Variants in CCNB3 observed in about 807,000 individuals in gnomAD.
CCNB3 encodes the protein G2/mitotic-specific cyclin-B3.
A neutral mutation model predicts 68.0 loss-of-function variants in CCNB3; 12 were observed. The ratio of observed to expected loss-of-function variants is 0.18; its 90% CI spans 0.11 to 0.29. The LOEUF (loss-of-function observed/expected upper bound fraction) is 0.29. CCNB3 is among the 10% of genes least tolerant of loss of function. CCNB3 has a pLI of 1.00. For synonymous variants in CCNB3, 354 were observed against 388.9 expected (o/e 0.91, Z 1.06); for missense variants, 904 against 993.1 (o/e 0.91, Z 1.21).
At chrX:50,351,194 G>T in intron 11 of CCNB3, 47 bp from the exon 12 acceptor site, 1 of 1,197,977 alleles carries the variant, frequency 8.3e-7, no homozygotes, top group Non-Finnish European at 1.1e-6. Flanking sequence ...ATGGAGGAAC[G>T]GTGTGCTTCC....
intron 1 of CCNB3, among the ~76,000 whole-genome samples, chrX:50,283,123 G>GT (rs920127250): frequency 1.8e-5 from 2 of 111,706 alleles, no homozygotes; most frequent in Non-Finnish European, 3.8e-5. Flanking sequence ...AGCCACACAA[G>GT]TCCTCTGCAA....
chrX:50,288,695 TC>T, intron 3 of CCNB3, 84 bp from the exon 4 acceptor site: 1 of 582,928 alleles, frequency 1.7e-6, no homozygotes, highest in South Asian at 3.0e-5. Context: ...GTTCTGGAGT[TC>T]CCCTGAGCCC....
At chrX:50,209,172 C>A (rs181159583) in intron 1 of CCNB3, among the ~76,000 whole-genome samples, 320 of 111,682 alleles carry the variant, frequency 2.9e-3, no homozygotes, top group African/African-American at 9.6e-3. Context: ...TACAGTTTGA[C>A]AAGCTTCTTC....
rs782728661 is a variant in CCNB3, at chrX:50,351,230, G to A, written c.3961-11G>A. 2.8e-5 allele frequency: 34 copies of A among 1,209,045 alleles called. No homozygotes were observed. Among genetic ancestry groups the A allele is most frequent in the Non-Finnish European group, 3.6e-5 (32 of 894,616 alleles). ...TATAGTAGAAATCACTATTCATGCT[G>A]CTTCTTCCAGGTTCCCTTCCTGGAG... On this transcript the variant is annotated splice_polypyrimidine_tract_variant and intron_variant, in intron 11 of 12. Transcript: ENST00000376042.
rs1569542884 is a variant in CCNB3, at chrX:50,309,761, T to C, written c.1592T>C (p.Val531Ala). 5.0e-6 allele frequency: 6 copies of C among 1,210,214 alleles called. No individual in the cohort carries two copies. The highest frequency in any genetic ancestry group is 6.7e-6 in the Non-Finnish European group (6 of 894,816). ...CCACTGCCCTTTAAAGAAGAAAAAG[T>C]GTCTTTAAAGAAAAAGTGTACCACA... ...KEPLPFKEEKVSLKKKCTTQE... is the reference protein window; with the variant it reads ...KEPLPFKEEKASLKKKCTTQE... Residue 531 changes from valine (V) to alanine (A), a missense_variant, in exon 6 of 13, where the codon GTG becomes GCG. Around this residue, in one of 2 missense-constraint regions of CCNB3, gnomAD observed 619 missense variants for 609.8 expected, o/e 1.02. Coordinates refer to ENST00000376042, the MANE Select transcript of CCNB3 (RefSeq NM_033031.3).
chrX:50,331,488 T>A (rs1474260857), intron 8 of CCNB3, among the ~76,000 whole-genome samples: 3 of 111,600 alleles, frequency 2.7e-5, no homozygotes, highest in African/African-American at 9.8e-5. Context: ...AGCTATGCAA[T>A]ATTGTCCAAT....
chrX:50,336,504 T>G (rs782123756), intron 8 of CCNB3, among the ~76,000 whole-genome samples: 46 of 112,077 alleles, frequency 4.1e-4, no homozygotes, highest in Non-Finnish European at 8.1e-4. Context: ...TTTCTGCAAT[T>G]TTCTCCTGAT....
At chrX:50,209,382 A>G (rs1935441311) in intron 1 of CCNB3, among the ~76,000 whole-genome samples, 1 of 110,724 alleles carries the variant, frequency 9.0e-6, no homozygotes, top group Admixed American at 9.6e-5. Flanking sequence ...TTGAGATGGT[A>G]TCTCACTCTG....
At chrX:50,226,958 ATATATATAGAATATATATAG>A in intron 1 of CCNB3, among the ~76,000 whole-genome samples, 2 of 76,830 alleles carry the variant, frequency 2.6e-5, no homozygotes, top group African/African-American at 1.1e-4. Flanking sequence ...TATATATAGT[ATATATATAGAATATATATAG>A]TATATATATA....
chrX:50,288,866 A>AG lies in CCNB3; in HGVS notation c.184dup (p.Ala62GlyfsTer3). On this transcript the variant is annotated frameshift_variant, in exon 4 of 13. Coordinates refer to ENST00000376042, the MANE Select transcript of CCNB3 (RefSeq NM_033031.3). LOFTEE classifies it high-confidence loss of function. ...TTCAGGGAGCACTCAAAAAGAGATC[A>AG]GCTTTTGAAGATCTCACTAATGTGA... 8.4e-7 allele frequency: 1 copy of AG among 1,185,379 alleles called. No individual in the cohort carries two copies. Among genetic ancestry groups the AG allele is most frequent in the Non-Finnish European group, 1.1e-6 (1 of 872,885 alleles).
intron 5 of CCNB3, among the ~76,000 whole-genome samples, chrX:50,301,228 A>G (rs1203625106): frequency 9.0e-6 from 1 of 110,613 alleles, no homozygotes; most frequent in East Asian, 2.9e-4. Flanking sequence ...TAGAGTTTCC[A>G]GTTTTTCTGC....
intron 8 of CCNB3, among the ~76,000 whole-genome samples, chrX:50,336,282 C>T (rs1327296901): frequency 8.9e-6 from 1 of 111,844 alleles, no homozygotes; most frequent in African/African-American, 3.3e-5. Context: ...GCAGCATGGG[C>T]GATTAGATTG....
intron 1 of CCNB3, among the ~76,000 whole-genome samples, chrX:50,215,456 ATT>A (rs1248964582): frequency 8.3e-5 from 8 of 96,834 alleles, no homozygotes. Context: ...ATGAATGTGT[ATT>A]TTTTTTTTTT....
At chrX:50,312,389 G>A in intron 6 of CCNB3, 148 bp from the exon 7 acceptor site, 1 of 493,247 alleles carries the variant, frequency 2.0e-6, no homozygotes, top group Non-Finnish European at 3.5e-6. Context: ...CAGCCAAGGA[G>A]TACTGTGTTA....
chrX:50,221,740 T>C (rs1311932337), intron 1 of CCNB3, among the ~76,000 whole-genome samples: 3 of 111,767 alleles, frequency 2.7e-5, no homozygotes, highest in Non-Finnish European at 3.8e-5. Flanking sequence ...GAAGAATGTA[T>C]ATTCTGTTGA....
intron 1 of CCNB3, among the ~76,000 whole-genome samples, chrX:50,225,176 G>A (rs1935732227): frequency 1.8e-5 from 2 of 110,895 alleles, no homozygotes; most frequent in African/African-American, 6.5e-5. Context: ...GGGCAGGGAA[G>A]GCCTCTCTGA....
chrX:50,206,719 A>G (rs1935372464), intron 1 of CCNB3, among the ~76,000 whole-genome samples: 1 of 110,757 alleles, frequency 9.0e-6, no homozygotes, highest in Admixed American at 9.6e-5. Context: ...GTTTGAGACC[A>G]GCCTGGGCAA....
intron 2 of CCNB3, 35 bp from the exon 3 acceptor site, chrX:50,285,092 G>A (rs1936211662): frequency 1.3e-6 from 1 of 765,528 alleles, no homozygotes; most frequent in Non-Finnish European, 2.0e-6. Context: ...CGTGTTTCTG[G>A]TGAATGGTGT....
rs187620326 is a variant in CCNB3, at chrX:50,207,781, C to G, written c.-113+2831C>G. On this transcript the variant is annotated intron_variant, in intron 1 of 12. Transcript: ENST00000376042. ...TGATTCATATACCATGTAACTCACT[C>G]ATTTAAAGTGTACAACTCAATTTTT... 5.8e-3 allele frequency among the ~76,000 whole-genome samples: 650 copies of G among 111,984 alleles called. 6 individuals are homozygous for G. The highest frequency in any genetic ancestry group is 0.02 in the African/African-American group (608 of 30,812).
Sources: allele counts gnomAD v4.1 joint callset (sites outside exome capture counted in the v4.1 genomes callset), GRCh38; gene constraint gnomAD v4.1.1; regional missense constraint gnomAD v4.1.1; transcripts MANE v1.5; gene names NCBI Gene and HGNC (gene_info 2026-07-23, HGNC 2026-07-21).